The following BACH2 variants were observed in gnomAD, a reference collection of about 807,000 sequenced individuals.
BACH2 encodes the protein BACH transcriptional regulator 2, also known as transcription regulator protein BACH2.
BACH2 carries 5 observed loss-of-function variants against 61.8 expected under a neutral mutation model. That is an observed-to-expected ratio of 0.08 (90% CI 0.04 to 0.17). BACH2 has a LOEUF of 0.17. Among genes scored for constraint, BACH2 ranks in the 10% least tolerant of loss-of-function variants. The pLI is 1.00. For synonymous variants in BACH2, 446 were observed against 440.1 expected (o/e 1.01, Z -0.17); for missense variants, 824 against 1,091.1 (o/e 0.76, Z 3.45).
In BACH2 at chr6:89,932,279, C is replaced by T; in HGVS notation, c.*129G>A. On this transcript the variant is annotated 3_prime_UTR_variant, in exon 9 of 9. Transcript: ENST00000257749. ...AGGATACTTCGGAACAGTATTGCTG[C>T]TAAGACCGCTGTAGTGTGCACCAAA... is the stretch of plus-strand genomic sequence containing the variant. 8.0e-7 allele frequency: 1 copy of T among 1,256,576 alleles called. No homozygotes were observed. The highest frequency in any genetic ancestry group is 1.4e-5 in the South Asian group (1 of 70,588). The allele number at this position is 1,256,576 out of a possible 1,614,324, so 77.8% of individuals were successfully genotyped here.
chr6:90,291,491 G>A (rs1425678522), intron 1 of BACH2, among the ~76,000 whole-genome samples: 2 of 139,292 alleles, frequency 1.4e-5, no homozygotes, highest in South Asian at 2.3e-4. Flanking sequence ...TAGATAGACT[G>A]ACATTTGAAA....
rs1346328212 is a variant in BACH2, at chr6:90,140,686, G to A, written c.-161-51577C>T. 3.3e-5 allele frequency among the ~76,000 whole-genome samples: 5 copies of A among 152,238 alleles called. No homozygotes were observed. The East Asian group carries it at 7.7e-4, about 24-fold the overall frequency. On this transcript the variant is annotated intron_variant, in intron 4 of 8. Transcript: ENST00000257749. The stretch of plus-strand genomic sequence containing the variant: ...TAATACTAATTCAGACATATGAGGT[G>A]GAGGAAGAAGGGAGATAAAACAAAC...
chr6:90,045,976 C>A (rs1779759047), intron 5 of BACH2, among the ~76,000 whole-genome samples: 1 of 152,140 alleles, frequency 6.6e-6, no homozygotes, highest in Admixed American at 6.5e-5. Flanking sequence ...GGACTCTGTT[C>A]ATATCTGCTC....
At chr6:90,066,756 A>G (rs988759127) in intron 5 of BACH2, among the ~76,000 whole-genome samples, 6 of 152,266 alleles carry the variant, frequency 3.9e-5, no homozygotes, top group African/African-American at 1.2e-4. Context: ...ACCAAGATAC[A>G]TAAGGTCAAG....
At chr6:90,030,770 G>C (rs886794578) in intron 5 of BACH2, among the ~76,000 whole-genome samples, 11 of 151,894 alleles carry the variant, frequency 7.2e-5, no homozygotes, top group South Asian at 2.1e-4. Context: ...AATTCTACCA[G>C]AGGTACAAGG....
At chr6:90,033,044 C>A (rs1007905601) in intron 5 of BACH2, among the ~76,000 whole-genome samples, 4 of 152,048 alleles carry the variant, frequency 2.6e-5, no homozygotes, top group African/African-American at 9.7e-5. Context: ...ATGATGAGTT[C>A]ATGTCCTTTG....
intron 1 of BACH2, among the ~76,000 whole-genome samples, chr6:90,278,326 G>A (rs1224785582): frequency 6.6e-6 from 1 of 152,198 alleles, no homozygotes; most frequent in African/African-American, 2.4e-5. Context: ...TCTGCCCACT[G>A]AAATTCTACC....
At chr6:90,245,079 C>T (rs1770588454) in intron 3 of BACH2, among the ~76,000 whole-genome samples, 1 of 151,992 alleles carries the variant, frequency 6.6e-6, no homozygotes, top group Non-Finnish European at 1.5e-5. Context: ...TGCCTGTAAT[C>T]CCAGCTACTT....
intron 5 of BACH2, among the ~76,000 whole-genome samples, chr6:90,079,297 C>T (rs1170911125): frequency 6.6e-6 from 1 of 152,168 alleles, no homozygotes; most frequent in African/African-American, 2.4e-5. Context: ...CAACCAAACA[C>T]ACAAAAAGTT....
chr6:90,139,874 C>T (rs966027017), intron 4 of BACH2, among the ~76,000 whole-genome samples: 7 of 152,242 alleles, frequency 4.6e-5, no homozygotes, highest in South Asian at 2.1e-4. Context: ...TTGTTTCAGA[C>T]GGTTAAGCCA....
intron 4 of BACH2, among the ~76,000 whole-genome samples, chr6:90,186,057 G>A (rs1396975101): frequency 2.6e-5 from 4 of 152,078 alleles, no homozygotes; most frequent in East Asian, 1.9e-4. Context: ...AGAAGAGACC[G>A]ATCCTCTACC....
chr6:90,251,507 T>C (rs1027032197), intron 3 of BACH2, among the ~76,000 whole-genome samples: 4 of 96,420 alleles, frequency 4.1e-5, no homozygotes, highest in Non-Finnish European at 1.2e-4. Flanking sequence ...AACCATTAGT[T>C]TAGCACATAC....
chr6:90,266,840 C>T (rs1447973241), intron 2 of BACH2, among the ~76,000 whole-genome samples: 3 of 152,040 alleles, frequency 2.0e-5, no homozygotes, highest in Non-Finnish European at 4.4e-5. Flanking sequence ...AGGTCCCAGT[C>T]GCACGGCACT....
At chr6:90,274,435 A>G (rs1771627505) in intron 1 of BACH2, among the ~76,000 whole-genome samples, 2 of 152,240 alleles carry the variant, frequency 1.3e-5, no homozygotes, top group African/African-American at 4.8e-5. Flanking sequence ...ATAAACCTCA[A>G]CAGGCAAGTC....
intron 4 of BACH2, among the ~76,000 whole-genome samples, chr6:90,162,391 C>T (rs930759816): frequency 2.0e-4 from 31 of 152,106 alleles, no homozygotes; most frequent in African/African-American, 6.5e-4. Flanking sequence ...GTAATCCTAG[C>T]GCTTTGGGAG....
chr6:90,083,980 T>C (rs1781823671), intron 5 of BACH2, among the ~76,000 whole-genome samples: 1 of 152,124 alleles, frequency 6.6e-6, no homozygotes, highest in African/African-American at 2.4e-5. Context: ...CAGGTCAATG[T>C]CATCAGCTAC....
intron 5 of BACH2, among the ~76,000 whole-genome samples, chr6:90,057,742 T>C (rs932809378): frequency 7.9e-5 from 12 of 152,148 alleles, no homozygotes; most frequent in Admixed American, 5.2e-4. Flanking sequence ...ACTGGCAAAC[T>C]GAATCCAGCA....
intron 1 of BACH2, among the ~76,000 whole-genome samples, chr6:90,281,307 A>G (rs1376386238): frequency 6.6e-6 from 1 of 152,234 alleles, no homozygotes; most frequent in South Asian, 2.1e-4. Context: ...AGTTATTTCT[A>G]TTTAATGTCA....
intron 5 of BACH2, among the ~76,000 whole-genome samples, chr6:90,041,148 ACATGGCTTCTGG>A (rs1779514150): frequency 6.6e-6 from 1 of 152,166 alleles, no homozygotes; most frequent in South Asian, 2.1e-4. Flanking sequence ...ATTGTTTCTG[ACATGGCTTCTGG>A]TGTTTCCCTA....
Sources: gnomAD v4.1 joint callset for allele counts (sites outside exome capture counted in the v4.1 genomes callset) on GRCh38, gnomAD v4.1.1 for gene constraint, MANE v1.5 for transcripts, NCBI Gene and HGNC (gene_info 2026-07-23, HGNC 2026-07-21) for gene names.